Variants in SLC5A8 observed in about 807,000 individuals in gnomAD.
The protein encoded by SLC5A8 is solute carrier family 5 member 8.
A neutral mutation model predicts 71.9 loss-of-function variants in SLC5A8; 55 were observed. That is an observed-to-expected ratio of 0.77 (90% confidence interval 0.62 to 0.96). The LOEUF (loss-of-function observed/expected upper bound fraction) is 0.96. Ranked by LOEUF, SLC5A8 falls within the 40% of genes least tolerant of loss-of-function variation. The pLI, the probability that SLC5A8 is intolerant of heterozygous loss-of-function variation, is 0.00. For missense variants in SLC5A8, 701 were observed against 745.3 expected, an observed-to-expected ratio of 0.94 and a Z score of 0.69; for synonymous variants, 307 against 276.1, an observed-to-expected ratio of 1.11 and a Z score of -1.11.
chr12:101,184,499 A>C (rs557078973), intron 7 of SLC5A8, among the ~76,000 whole-genome samples: 1 of 152,348 alleles, frequency 6.6e-6, no homozygotes, highest in African/African-American at 2.4e-5. Flanking sequence ...TAGTTGTAAT[A>C]ATACTAACCT....
intron 3 of SLC5A8, among the ~76,000 whole-genome samples, chr12:101,199,973 A>G (rs2137166065): frequency 7.2e-6 from 1 of 138,852 alleles, no homozygotes; most frequent in South Asian, 2.6e-4. Flanking sequence ...ATGGATAAAA[A>G]AATGTTGGTA....
intron 10 of SLC5A8, among the ~76,000 whole-genome samples, chr12:101,178,352 C>T (rs984042624): frequency 9.2e-5 from 14 of 152,048 alleles, no homozygotes; most frequent in Middle Eastern, 3.4e-3. Context: ...AAAACAATTT[C>T]GAAAAATAAG....
In SLC5A8 at chr12:101,210,084, C is replaced by G; in HGVS notation, c.-236G>C. On this transcript the variant is annotated 5_prime_UTR_variant, in exon 1 of 15. Coordinates refer to ENST00000536262, the MANE Select transcript of SLC5A8 (RefSeq NM_145913.5). Reference sequence around the variant, plus strand: ...CCCCTCAAACCCAGGTATGGGACCTCGGAAAATCGACCCGCTGCCCTGAGT... The same window carrying G: ...CCCCTCAAACCCAGGTATGGGACCTGGGAAAATCGACCCGCTGCCCTGAGT... The G allele has an allele frequency of 2.1e-6, 1 of 469,214 alleles. No individual in the cohort carries two copies. Among genetic ancestry groups the G allele is most frequent in the Admixed American group, 4.1e-5 (1 of 24,448 alleles). 29.1% of individuals were successfully genotyped at this position (469,214 alleles called of 1,614,324 possible). A position where few individuals can be genotyped will look rare whatever the true frequency, so the allele number is the denominator to read the frequency against.
intron 6 of SLC5A8, 104 bp downstream of exon 6, chr12:101,190,364 C>T: frequency 1.6e-6 from 2 of 1,255,026 alleles, no homozygotes; most frequent in South Asian, 1.5e-5. Context: ...CTTGGAATTT[C>T]ATGACACAAA....
chr12:101,182,533 G>A (rs564532157), intron 9 of SLC5A8, among the ~76,000 whole-genome samples: 1 of 152,202 alleles, frequency 6.6e-6, no homozygotes, highest in Non-Finnish European at 1.5e-5. Flanking sequence ...AGGAAAAAAG[G>A]ACAGCTAAAT....
At chr12:101,170,166 A>G (rs2051815244) in intron 10 of SLC5A8, among the ~76,000 whole-genome samples, 1 of 152,124 alleles carries the variant, frequency 6.6e-6, no homozygotes, top group Non-Finnish European at 1.5e-5. Context: ...TGTTGTAAAG[A>G]TTGGTCTGTC....
In SLC5A8 at chr12:101,182,904, G is replaced by A; in HGVS notation, c.1064C>T (p.Ser355Phe). The part of the protein sequence containing the change: ...AYSGTLSTVS[S>F]SINALAAVTV... ...TACTGCTGCTAAGGCATTAATACTG[G>A]AGGACACTGTGCTGTAAGGGAAAAT... The change falls in exon 9 of 15, where the codon TCC becomes TTC. Residue 355 changes from serine (S) to phenylalanine (F), a missense_variant. By Grantham distance (155) the Ser-to-Phe change is radical. Transcript: ENST00000536262. 6.4e-7 allele frequency: 1 copy of A among 1,572,244 alleles called. No individual in the cohort carries two copies. The highest frequency in any genetic ancestry group is 8.6e-7 in the Non-Finnish European group (1 of 1,163,856).
At position 101,182,909 on chromosome 12, in the gene SLC5A8, C is replaced by T. The variant is rs377115827; in HGVS notation, c.1059G>A (p.Val353=). 1.3e-6 allele frequency: 2 copies of T among 1,550,524 alleles called. No homozygotes were observed. Among genetic ancestry groups the T allele is most frequent in the Non-Finnish European group, 1.7e-6 (2 of 1,153,904 alleles). Residue 353 remains valine, a synonymous_variant, in exon 9 of 15, where the codon GTG becomes GTA. Transcript: ENST00000536262. The part of the protein sequence containing the change: ...ACAYSGTLST[V]SSSINALAAV... ...CTGCTAAGGCATTAATACTGGAGGA[C>T]ACTGTGCTGTAAGGGAAAATAAAAC...
intron 10 of SLC5A8, among the ~76,000 whole-genome samples, chr12:101,168,773 T>C (rs971422879): frequency 2.0e-5 from 3 of 152,282 alleles, no homozygotes; most frequent in East Asian, 3.9e-4. Flanking sequence ...TAAAAAAGAT[T>C]TACAGTGCAA....
intron 6 of SLC5A8, among the ~76,000 whole-genome samples, 163 bp from the exon 7 acceptor site, chr12:101,187,678 T>C (rs1036203566): frequency 6.6e-6 from 1 of 152,240 alleles, no homozygotes; most frequent in South Asian, 2.1e-4. Flanking sequence ...AGCCTAATAT[T>C]CTGCTTATGA....
chr12:101,200,881 T>A (rs1363223296), intron 3 of SLC5A8, among the ~76,000 whole-genome samples: 1 of 152,164 alleles, frequency 6.6e-6, no homozygotes, highest in African/African-American at 2.4e-5. Flanking sequence ...ACCTAGAGAA[T>A]GTTAATTTTC....
At chr12:101,164,110 A>G (rs1350386336) in intron 12 of SLC5A8, among the ~76,000 whole-genome samples, 1 of 152,240 alleles carries the variant, frequency 6.6e-6, no homozygotes, top group African/African-American at 2.4e-5. Flanking sequence ...AAAAACTGAG[A>G]AACAGAAATA....
chr12:101,161,922 G>T, intron 13 of SLC5A8, 52 bp downstream of exon 13: 1 of 1,271,750 alleles, frequency 7.9e-7, no homozygotes, highest in Non-Finnish European at 1.1e-6. Flanking sequence ...AACAGATACA[G>T]TAAAAACTGA....
intron 3 of SLC5A8, among the ~76,000 whole-genome samples, chr12:101,198,455 C>G (rs1869291894): frequency 6.6e-6 from 1 of 151,832 alleles, no homozygotes; most frequent in Non-Finnish European, 1.5e-5. Context: ...GAAGGGATGT[C>G]ACTATAGATA....
At chr12:101,190,374 A>G in intron 6 of SLC5A8, 94 bp downstream of exon 6, 1 of 1,345,072 alleles carries the variant, frequency 7.4e-7, no homozygotes, top group Non-Finnish European at 1.0e-6. Context: ...CATGACACAA[A>G]AGACATAAAG....
intron 5 of SLC5A8, among the ~76,000 whole-genome samples, chr12:101,192,847 TAAAAC>T (rs1344405940): frequency 6.6e-6 from 1 of 151,616 alleles, no homozygotes; most frequent in Non-Finnish European, 1.5e-5. Context: ...CAAAGTTGCT[TAAAAC>T]AAAGAATTGT....
At chr12:101,194,690 T>C (rs187235941) in intron 4 of SLC5A8, among the ~76,000 whole-genome samples, 1 of 152,260 alleles carries the variant, frequency 6.6e-6, no homozygotes, top group East Asian at 1.9e-4. Flanking sequence ...TTGCCCAGGC[T>C]GGTCTCAAAT....
chr12:101,195,222 C>A, intron 3 of SLC5A8, 60 bp from the exon 4 acceptor site: 2 of 1,551,616 alleles, frequency 1.3e-6, no homozygotes, highest in Non-Finnish European at 8.8e-7. Context: ...AAATAATCCT[C>A]AAAAATCATC....
At chr12:101,163,405 G>A (rs1279005293) in intron 12 of SLC5A8, among the ~76,000 whole-genome samples, 3 of 152,134 alleles carry the variant, frequency 2.0e-5, no homozygotes, top group Non-Finnish European at 4.4e-5. Context: ...CTTGGCTGGG[G>A]TGGTGGCACA....
Sources: gnomAD v4.1 joint callset for allele counts (sites outside exome capture counted in the v4.1 genomes callset) on GRCh38, gnomAD v4.1.1 for gene constraint, MANE v1.5 for transcripts, NCBI Gene and HGNC (gene_info 2026-07-23, HGNC 2026-07-21) for gene names.